Variants in HECW1 observed in about 807,000 individuals in gnomAD.
HECW1 encodes the protein E3 ubiquitin-protein ligase HECW1.
A neutral mutation model predicts 182.3 loss-of-function variants in HECW1; 61 were observed. The ratio of observed to expected loss-of-function variants is 0.33; its 90% confidence interval spans 0.27 to 0.41. The LOEUF is 0.41. HECW1 is among the 10% of genes least tolerant of loss of function. The probability of loss-of-function intolerance (pLI) is 1.00; values close to 1 mark genes in which losing one functional copy is unlikely to be tolerated. For synonymous variants in HECW1, 859 were observed against 832.6 expected (o/e 1.03, Z -0.55); for missense variants, 1,739 against 2,108.9 (o/e 0.82, Z 3.44).
chr7:43,265,463 T>A (rs978594292), intron 3 of HECW1, among the ~76,000 whole-genome samples: 1 of 152,144 alleles, frequency 6.6e-6, no homozygotes, highest in Non-Finnish European at 1.5e-5. Flanking sequence ...AGCTATAATA[T>A]CAGATAACAT....
At chr7:43,350,259 T>C (rs1437448452) in intron 5 of HECW1, among the ~76,000 whole-genome samples, 1 of 152,238 alleles carries the variant, frequency 6.6e-6, no homozygotes, top group Non-Finnish European at 1.5e-5. Flanking sequence ...TTTTCCTTTA[T>C]AGTTTACCTG....
chr7:43,460,566 G>A (rs2077550098), intron 13 of HECW1, among the ~76,000 whole-genome samples: 1 of 152,174 alleles, frequency 6.6e-6, no homozygotes, highest in African/African-American at 2.4e-5. Flanking sequence ...GTGCGTGTGT[G>A]TGTGTGTGTC....
At chr7:43,115,319 C>T (rs1202444661) in intron 2 of HECW1, among the ~76,000 whole-genome samples, 2 of 126,254 alleles carry the variant, frequency 1.6e-5, no homozygotes, top group African/African-American at 6.9e-5. Context: ...TTTTTTTGTC[C>T]ACTATAGCAA....
rs181388334 is a variant in HECW1 at position 43,478,822 on chromosome 7, A to G, written c.3100-788A>G. On this transcript the variant is annotated intron_variant, in intron 16 of 29. Coordinates refer to ENST00000395891, the MANE Select transcript of HECW1 (RefSeq NM_015052.5). ...CATTTATCTTAAATATAAATAAAAT[A>G]CTCTACAAATTATTAATTACTAGTA... Among the ~76,000 whole-genome samples the G allele has an allele frequency of 2.6e-3, 402 of 152,262 alleles. 2 individuals carry two copies. Among genetic ancestry groups the G allele is most frequent in the African/African-American group, 9.1e-3 (378 of 41,564 alleles).
chr7:43,543,920 G>C (rs1194268953), intron 26 of HECW1, among the ~76,000 whole-genome samples: 2 of 152,106 alleles, frequency 1.3e-5, no homozygotes, highest in East Asian at 3.8e-4. Flanking sequence ...TATTGTAGAG[G>C]GTAAGTTTGT....
chr7:43,331,206 A>G (rs1054917699), intron 5 of HECW1, among the ~76,000 whole-genome samples: 2 of 151,570 alleles, frequency 1.3e-5, no homozygotes, highest in Admixed American at 6.6e-5. Flanking sequence ...CCATTGTTCA[A>G]TTCCCACCTA....
intron 2 of HECW1, among the ~76,000 whole-genome samples, chr7:43,184,877 C>T (rs1327684382): frequency 2.0e-5 from 3 of 152,074 alleles, no homozygotes; most frequent in African/African-American, 7.2e-5. Context: ...GCAGGTCTTA[C>T]ATGGCTGGAG....
intron 7 of HECW1, among the ~76,000 whole-genome samples, chr7:43,402,461 T>C (rs2075459435): frequency 6.6e-6 from 1 of 152,152 alleles, no homozygotes; most frequent in African/African-American, 2.4e-5. Context: ...ATTTCACAAG[T>C]TCTAAGGGGA....
intron 6 of HECW1, among the ~76,000 whole-genome samples, chr7:43,392,668 A>G (rs943125413): frequency 4.6e-5 from 7 of 152,202 alleles, no homozygotes; most frequent in Admixed American, 4.6e-4. Context: ...GACCTGGGAT[A>G]TAGGTCAGCA....
At chr7:43,278,749 T>G (rs1803505194) in intron 3 of HECW1, among the ~76,000 whole-genome samples, 1 of 152,144 alleles carries the variant, frequency 6.6e-6, no homozygotes, top group South Asian at 2.1e-4. Flanking sequence ...GTCTAAGTTG[T>G]CACTTCTCCT....
chr7:43,377,221 G>A (rs1046193283), intron 6 of HECW1, among the ~76,000 whole-genome samples: 6 of 152,178 alleles, frequency 3.9e-5, no homozygotes, highest in African/African-American at 1.4e-4. Context: ...TTTCAAGCCT[G>A]TTCTGAAGGC....
chr7:43,198,851 G>T (rs1307159787), intron 2 of HECW1, among the ~76,000 whole-genome samples: 2 of 152,180 alleles, frequency 1.3e-5, no homozygotes, highest in African/African-American at 2.4e-5. Context: ...GGCTGGCCAT[G>T]TTCTTCTCCC....
intron 2 of HECW1, among the ~76,000 whole-genome samples, chr7:43,199,311 T>C (rs1448712093): frequency 1.3e-5 from 2 of 152,262 alleles, no homozygotes; most frequent in Non-Finnish European, 2.9e-5. Context: ...ATTATCTGTA[T>C]TTACTTCAGT....
intron 3 of HECW1, among the ~76,000 whole-genome samples, chr7:43,263,710 A>G (rs963136528): frequency 6.6e-6 from 1 of 152,076 alleles, no homozygotes. Context: ...TAGGAAACAG[A>G]GAAGAAGGGA....
chr7:43,310,137 G>T (rs1808316279), intron 3 of HECW1, among the ~76,000 whole-genome samples: 1 of 152,200 alleles, frequency 6.6e-6, no homozygotes, highest in Admixed American at 6.5e-5. Flanking sequence ...CCCACTTAAA[G>T]TATGTGGGAA....
At position 43,537,110 on chromosome 7, in the gene HECW1, A is replaced by G. The variant is rs534885645; in HGVS notation, c.4020-4053A>G. Among the ~76,000 whole-genome samples, 6 of 152,326 alleles carry G rather than the reference A, an allele frequency of 3.9e-5. No individual in the cohort carries two copies. The East Asian group carries it at 9.7e-4, about 25-fold the overall frequency. ...CCCAGGAGCAGGGGTGGCCTGCAAC[A>G]TCGGTCGAGACTCCTGAGATCCATG... is the stretch of plus-strand genomic sequence containing the variant. On this transcript the variant is annotated intron_variant, in intron 24 of 29. Transcript: ENST00000395891.
intron 2 of HECW1, among the ~76,000 whole-genome samples, chr7:43,185,256 A>G (rs1793282109): frequency 6.6e-6 from 1 of 152,102 alleles, no homozygotes; most frequent in Non-Finnish European, 1.5e-5. Context: ...CATGCCCCAG[A>G]GCTTGCTCTG....
chr7:43,176,980 A>G (rs28491794), intron 2 of HECW1, among the ~76,000 whole-genome samples: 1 of 152,116 alleles, frequency 6.6e-6, no homozygotes, highest in Non-Finnish European at 1.5e-5. Flanking sequence ...TTGAGGCTGG[A>G]GTTTGAAAAT....
At chr7:43,430,168 A>C (rs2076498523) in intron 8 of HECW1, among the ~76,000 whole-genome samples, 1 of 152,212 alleles carries the variant, frequency 6.6e-6, no homozygotes, top group African/African-American at 2.4e-5. Flanking sequence ...ACCTCTCCCT[A>C]AATGAAAATA....
Sources: gnomAD v4.1 joint callset for allele counts (sites outside exome capture counted in the v4.1 genomes callset) on GRCh38, gnomAD v4.1.1 for gene constraint, MANE v1.5 for transcripts, NCBI Gene and HGNC (gene_info 2026-07-23, HGNC 2026-07-21) for gene names.